RYR1: variants seen among roughly 807,000 people sequenced by gnomAD.
RYR1 encodes the protein ryanodine receptor 1, also known as central core disease of muscle.
RYR1 carries 342 observed loss-of-function variants against 583.5 expected under a neutral mutation model. That is an observed-to-expected ratio of 0.59 (90% CI 0.54 to 0.64). The LOEUF is 0.64. Ranked by LOEUF, RYR1 falls within the 30% of genes least tolerant of loss-of-function variation. The probability of loss-of-function intolerance (pLI) is 0.00; values close to 1 mark genes in which losing one functional copy is unlikely to be tolerated. For missense variants in RYR1, 6,032 were observed against 6,917.2 expected (o/e 0.87, Z 4.54); for synonymous variants, 2,791 against 2,822.5 (o/e 0.99, Z 0.35).
Position 38,496,505 on chromosome 19 carries a change from C to G in RYR1, c.6760C>G (p.Leu2254Val). ...GAACCAGCGCTCCATGTTTGACCACCTGAGCTACCTGCTGGAGAACAGTGG... is the reference window on the plus strand; with the variant it reads ...GAACCAGCGCTCCATGTTTGACCACGTGAGCTACCTGCTGGAGAACAGTGG... ...RQNQRSMFDH[L>V]SYLLENSGIG... The change falls in exon 41 of 106, where the codon CTG (leucine) becomes GTG (valine). Residue 2254 changes from leucine (L) to valine (V), a missense_variant. Transcript: ENST00000359596. This position sits in a 1 kb window ranked among gnomAD's most constrained non-coding sequence, Gnocchi z 4.8. The G allele has an allele frequency of 6.2e-7, 1 of 1,613,622 alleles. No homozygotes were observed. The highest frequency in any genetic ancestry group is 8.5e-7 in the Non-Finnish European group (1 of 1,180,040).
chr19:38,500,545 C>T lies in RYR1; in HGVS notation c.7324-61C>T. 1.2e-6 allele frequency: 2 copies of T among 1,608,288 alleles called. No homozygotes were observed. The highest frequency in any genetic ancestry group is 1.1e-5 in the South Asian group (1 of 90,902). On this transcript the variant is annotated intron_variant, in intron 45 of 105. Coordinates refer to ENST00000359596, the MANE Select transcript of RYR1 (RefSeq NM_000540.3). The surrounding 1 kb of genome is among the most constrained non-coding windows in gnomAD (Gnocchi z 5.9). ...CTGTGTGGTAAGGGAGGGAGCAGAG[C>T]AGTCACTGAGTGGGGCACCAGCGCC...
chr19:38,546,190 GTCC>G (rs568029575), intron 87 of RYR1, among the ~76,000 whole-genome samples: 12 of 152,078 alleles, frequency 7.9e-5, no homozygotes, highest in Admixed American at 7.2e-4. Context: ...AAGCCTCTCA[GTCC>G]TCCTTGTCTG....
At position 38,543,582 on chromosome 19, in the gene RYR1, A is replaced by G; in HGVS notation, c.11829A>G (p.Glu3943=). 6.2e-7 allele frequency: 1 copy of G among 1,614,206 alleles called. No individual in the cohort carries two copies. Residue 3943 remains glutamate, a synonymous_variant, in exon 86 of 106, where the codon GAA becomes GAG. Transcript: ENST00000359596. This position sits in a 1 kb window ranked among gnomAD's most constrained non-coding sequence, Gnocchi z 4.4. Reference sequence around the variant, plus strand: ...ACTACTCGGGCAAGGATGTCATTGAAGAGCAGGGCAAGAGGAACTTCTCCA... The same window carrying G: ...ACTACTCGGGCAAGGATGTCATTGAGGAGCAGGGCAAGAGGAACTTCTCCA... The part of the protein sequence containing the change: ...YWYYSGKDVI[E]EQGKRNFSKA...
chr19:38,518,111 A>G (rs1178607639), intron 66 of RYR1, among the ~76,000 whole-genome samples: 1 of 151,842 alleles, frequency 6.6e-6, no homozygotes, highest in Non-Finnish European at 1.5e-5. Context: ...AGAGTGAGAT[A>G]CTCTCTCAAA....
Position 38,506,476 on chromosome 19 carries a change from G to A in RYR1, c.8622G>A (p.Met2874Ile). 1 of 1,614,070 alleles carries A rather than the reference G, an allele frequency of 6.2e-7. No homozygotes were observed. The highest frequency in any genetic ancestry group is 1.3e-5 in the African/African-American group (1 of 74,996). Residue 2874 changes from methionine to isoleucine, a missense_variant, in exon 56 of 106, where the codon ATG becomes ATA. Around this residue, in one of 11 missense-constraint regions of RYR1, gnomAD observed 1,493 missense variants for 1,715.5 expected, o/e 0.87. Coordinates refer to ENST00000359596, the MANE Select transcript of RYR1 (RefSeq NM_000540.3). ...AVTLSRELQA[M>I]AEQLAENYHN... ...GACTCTGCATCCACTCCCAGGCCAT[G>A]GCAGAACAACTGGCAGAAAATTACC...
intron 37 of RYR1, among the ~76,000 whole-genome samples, chr19:38,491,706 G>T (rs1969558918): frequency 6.6e-6 from 1 of 152,110 alleles, no homozygotes; most frequent in Admixed American, 6.5e-5. Flanking sequence ...CTGGATTACA[G>T]GTGTGAGCCA....
chr19:38,483,500 A>G lies in RYR1; in HGVS notation c.4918A>G (p.Ile1640Val). The G allele has an allele frequency of 6.4e-7, 1 of 1,551,684 alleles. No homozygotes were observed. Among genetic ancestry groups the G allele is most frequent in the Non-Finnish European group, 8.7e-7 (1 of 1,152,230 alleles). The change falls in exon 33 of 106, where the codon ATC becomes GTC. Residue 1640 changes from isoleucine to valine, a missense_variant. Around this residue, in one of 11 missense-constraint regions of RYR1, gnomAD observed 2,627 missense variants for 2,961.3 expected, o/e 0.89. Coordinates refer to ENST00000359596, the MANE Select transcript of RYR1 (RefSeq NM_000540.3). This position sits in a 1 kb window ranked among gnomAD's most constrained non-coding sequence, Gnocchi z 6.3. The part of the protein sequence containing the change: ...QEPLTMMALH[I>V]PEENRCMDIL... ...GCCGCTGACCATGATGGCGCTGCAC[A>G]TCCCCGAGGAGAACCGGTCAGGGCC...
chr19:38,585,215 G>T (rs904029729), intron 102 of RYR1, 116 bp downstream of exon 102: 17 of 1,311,730 alleles, frequency 1.3e-5, no homozygotes, highest in Non-Finnish European at 1.8e-5. Flanking sequence ...TCTCGCTACT[G>T]TGAGACCTTG....
At chr19:38,450,595 G>T (rs938667264) in intron 11 of RYR1, among the ~76,000 whole-genome samples, 4 of 152,112 alleles carry the variant, frequency 2.6e-5, no homozygotes, top group Admixed American at 1.3e-4. Flanking sequence ...CTTTACAGAT[G>T]AGCTGGTGGG....
At chr19:38,491,140 C>G (rs1461325561) in intron 37 of RYR1, among the ~76,000 whole-genome samples, 1 of 152,148 alleles carries the variant, frequency 6.6e-6, no homozygotes, top group Non-Finnish European at 1.5e-5. Flanking sequence ...CTGAGATTCC[C>G]TTGCACATGA....
chr19:38,444,809 C>A lies in RYR1; in HGVS notation c.631+132C>A. On this transcript the variant is annotated intron_variant, in intron 7 of 105. Transcript: ENST00000359596. This position sits in a 1 kb window ranked among gnomAD's most constrained non-coding sequence, Gnocchi z 5.1. ...CTAGATCTCCAAATTATGGCTCTCA[C>A]ACTTAGATCTCCAGCTGACCCCAAA... is the stretch of plus-strand genomic sequence containing the variant. The A allele has an allele frequency of 2.8e-6, 2 of 702,750 alleles. No homozygotes were observed. The highest frequency in any genetic ancestry group is 3.3e-5 in the South Asian group (2 of 61,284). The allele number at this position is 702,750 out of a possible 1,614,324, so 43.5% of individuals were successfully genotyped here. A position where few individuals can be genotyped will look rare whatever the true frequency, so the allele number is the denominator to read the frequency against.
rs111200476 is a variant in RYR1 at position 38,532,532 on chromosome 19, C to T, written c.11184C>T (p.Ile3728=). The T allele has an allele frequency of 1.1e-5, 17 of 1,614,066 alleles. No individual in the cohort carries two copies. In the Admixed American group the frequency reaches 2.8e-4, roughly 27 times the overall value. Residue 3728 remains isoleucine, a synonymous_variant, in exon 77 of 106, where the codon ATC becomes ATT. Coordinates refer to ENST00000359596, the MANE Select transcript of RYR1 (RefSeq NM_000540.3). ...ACCTGTACATGGCCTATGCTGATAT[C>T]ATGGCAAAGGTGAGGCCCTACCCCC... ...EDYLYMAYAD[I]MAKSCHLEEG... is the part of the protein sequence containing the mutation.
chr19:38,522,909 C>T lies in RYR1; in HGVS notation c.10260-119C>T, dbSNP rs1256084897. 41 of 834,864 alleles carry T rather than the reference C, an allele frequency of 4.9e-5. No homozygotes were observed. The East Asian group carries it at 5.3e-4, about 11-fold the overall frequency. The allele number at this position is 834,864 out of a possible 1,614,324, so 51.7% of individuals were successfully genotyped here. ...CTGCATGGCCAGATGACCCTAGAAA[C>T]CCCATCCCTCTGACTGGATGTCTCC... On this transcript the variant is annotated intron_variant, in intron 67 of 105. Transcript: ENST00000359596.
intron 84 of RYR1, among the ~76,000 whole-genome samples, chr19:38,539,885 A>G (rs1184804635): frequency 2.6e-5 from 4 of 152,122 alleles, no homozygotes; most frequent in African/African-American, 9.7e-5. Flanking sequence ...TTATTTTTGC[A>G]TATAGCCCAA....
chr19:38,534,578 C>G (rs967724759), intron 78 of RYR1, 142 bp from the exon 79 acceptor site: 18 of 739,710 alleles, frequency 2.4e-5, no homozygotes, highest in Non-Finnish European at 4.4e-5. Context: ...GGGTGTGAGC[C>G]CCAGGGGATG....
intron 29 of RYR1, among the ~76,000 whole-genome samples, chr19:38,476,675 C>A (rs1238470516): frequency 3.3e-5 from 5 of 152,118 alleles, no homozygotes; most frequent in Non-Finnish European, 7.4e-5. Context: ...GGCTTGGATC[C>A]CAGTACCAGC....
intron 42 of RYR1, among the ~76,000 whole-genome samples, chr19:38,497,579 G>A (rs145887237): frequency 1.3e-5 from 2 of 152,342 alleles, no homozygotes; most frequent in Non-Finnish European, 2.9e-5. Context: ...TAAAGTGTTT[G>A]TAAAGGGGCA....
intron 18 of RYR1, among the ~76,000 whole-genome samples, chr19:38,458,718 G>A (rs753165742): frequency 4.0e-4 from 61 of 152,070 alleles, no homozygotes; most frequent in Admixed American, 6.6e-5. Flanking sequence ...TCTGCCTCTC[G>A]GGTTCAAGTA....
At chr19:38,447,701 C>T (rs1325792677) in intron 9 of RYR1, among the ~76,000 whole-genome samples, 16 of 149,880 alleles carry the variant, frequency 1.1e-4, no homozygotes, top group Non-Finnish European at 1.9e-4. Context: ...ATTAGCCAGG[C>T]GGTAGTGGCA....
Sources: allele counts gnomAD v4.1 joint callset (sites outside exome capture counted in the v4.1 genomes callset), GRCh38; gene constraint gnomAD v4.1.1; regional missense constraint gnomAD v4.1.1; non-coding constraint Gnocchi (gnomAD v3.1); transcripts MANE v1.5; gene names NCBI Gene and HGNC (gene_info 2026-07-23, HGNC 2026-07-21).